PXDNL: variants seen among roughly 807,000 people sequenced by gnomAD.
PXDNL encodes the protein probable oxidoreductase PXDNL.
In PXDNL, 145 loss-of-function variants were observed where a neutral mutation model predicts 150.8. That is an observed-to-expected ratio of 0.96 (90% CI 0.84 to 1.10). PXDNL has a LOEUF of 1.10. Among genes scored for constraint, PXDNL ranks in the 50% least tolerant of loss-of-function variants. The probability of loss-of-function intolerance (pLI) is 0.00; values close to 1 mark genes in which losing one functional copy is unlikely to be tolerated. For missense variants in PXDNL, 2,087 were observed against 1,873.9 expected, an observed-to-expected ratio of 1.11 and a Z score of -2.10; for synonymous variants, 757 against 725.7, an observed-to-expected ratio of 1.04 and a Z score of -0.69.
At position 51,319,984 on chromosome 8, in the gene PXDNL, C is replaced by A; in HGVS notation, c.4299G>T (p.Pro1433=). ...QVTCVVEICP[P]APCPSPELVK... is the part of the protein sequence containing the mutation. ...CCAATTCAGGACTGGGACAGGGAGC[C>A]GGGGGACAAATCTCCACCACACAGG... The change falls in exon 23 of 23, where the codon CCG becomes CCT. Residue 1433 remains proline (P), a synonymous_variant. Coordinates refer to ENST00000356297, the MANE Select transcript of PXDNL (RefSeq NM_144651.5). 6.4e-7 allele frequency: 1 copy of A among 1,569,992 alleles called. No homozygotes were observed. The highest frequency in any genetic ancestry group is 1.4e-5 in the African/African-American group (1 of 73,152).
chr8:51,674,252 T>A (rs1439452909), intron 1 of PXDNL, among the ~76,000 whole-genome samples: 1 of 152,206 alleles, frequency 6.6e-6, no homozygotes, highest in Non-Finnish European at 1.5e-5. Flanking sequence ...GCTTTGTGAA[T>A]CTGCTCAGTG....
rs1277201421 is a variant in PXDNL, at chr8:51,792,205, G to A, written c.164+16976C>T. On this transcript the variant is annotated intron_variant, in intron 1 of 22. Transcript: ENST00000356297. ...ACTGAGAAGAATGAAAATGGCGAGT[G>A]AATCCTGCACCACAACTGAGGTATC... Among the ~76,000 whole-genome samples, 9 of 152,156 alleles carry A rather than the reference G, an allele frequency of 5.9e-5. No individual in the cohort carries two copies. The East Asian group carries it at 1.7e-3, about 30-fold the overall frequency.
chr8:51,798,530 G>A (rs1405537704), intron 1 of PXDNL, among the ~76,000 whole-genome samples: 2 of 152,156 alleles, frequency 1.3e-5, no homozygotes, highest in African/African-American at 4.8e-5. Context: ...CAAAGGACAT[G>A]AACAGACACT....
chr8:51,435,985 T>C lies in PXDNL; in HGVS notation c.1526-9227A>G, dbSNP rs77240811. The C allele has an allele frequency of 5.1e-3, 2,695 of 523,986 alleles. 50 individuals are homozygous for C. The highest frequency in any genetic ancestry group is 0.048 in the African/African-American group (2,440 of 51,340). The allele number at this position is 523,986 out of a possible 1,614,324, so 32.5% of individuals were successfully genotyped here. On this transcript the variant is annotated intron_variant, in intron 12 of 22. Coordinates refer to ENST00000356297, the MANE Select transcript of PXDNL (RefSeq NM_144651.5). ...GAAGCTAAGAAAAAAACAGGATCTC[T>C]TTATGTAGCTTTCAAATTCACCTCA...
intron 1 of PXDNL, among the ~76,000 whole-genome samples, chr8:51,678,156 C>A (rs145701438): frequency 1.3e-5 from 2 of 152,320 alleles, no homozygotes; most frequent in East Asian, 3.9e-4. Context: ...CCTGACGCAG[C>A]TCTGGCACTC....
intron 20 of PXDNL, among the ~76,000 whole-genome samples, chr8:51,342,879 C>CAAAAAAAAA: frequency 1.1e-5 from 1 of 90,224 alleles, no homozygotes; most frequent in African/African-American, 3.6e-5. Flanking sequence ...GATTAAGATT[C>CAAAAAAAAA]AAAAAAAAAA....
intron 4 of PXDNL, among the ~76,000 whole-genome samples, chr8:51,509,483 C>G (rs1811364050): frequency 6.6e-6 from 1 of 152,078 alleles, no homozygotes; most frequent in African/African-American, 2.4e-5. Flanking sequence ...GCCACATCAG[C>G]ATTCAAGCTG....
intron 4 of PXDNL, among the ~76,000 whole-genome samples, chr8:51,553,826 C>T (rs1173344344): frequency 1.3e-5 from 2 of 150,138 alleles, no homozygotes; most frequent in African/African-American, 4.9e-5. Context: ...CATTGTGAAG[C>T]ACTTTATTAA....
chr8:51,320,756 G>T (rs765374383), intron 22 of PXDNL, 28 bp downstream of exon 22: 23 of 1,546,538 alleles, frequency 1.5e-5, no homozygotes, highest in Non-Finnish European at 2.1e-5. Flanking sequence ...GAAATGGGGA[G>T]TTGGACTGGA....
chr8:51,799,324 G>A (rs910684269), intron 1 of PXDNL, among the ~76,000 whole-genome samples: 1 of 152,098 alleles, frequency 6.6e-6, no homozygotes, highest in Non-Finnish European at 1.5e-5. Context: ...GGTGCAGCGA[G>A]TCACTATAGC....
At chr8:51,568,737 T>C (rs1472015402) in intron 3 of PXDNL, among the ~76,000 whole-genome samples, 4 of 151,908 alleles carry the variant, frequency 2.6e-5, no homozygotes, top group African/African-American at 9.7e-5. Context: ...ATTACATGTA[T>C]GTTACACCTT....
chr8:51,803,707 C>T (rs906039163), intron 1 of PXDNL, among the ~76,000 whole-genome samples: 12 of 152,170 alleles, frequency 7.9e-5, no homozygotes, highest in East Asian at 1.9e-4. Flanking sequence ...CACTGGTGAC[C>T]GTCCTGGCTT....
intron 17 of PXDNL, among the ~76,000 whole-genome samples, chr8:51,385,887 T>A (rs1172735947): frequency 6.6e-6 from 1 of 152,200 alleles, no homozygotes; most frequent in Admixed American, 6.5e-5. Flanking sequence ...CCTTCCACCA[T>A]GATTGTGAGG....
intron 2 of PXDNL, among the ~76,000 whole-genome samples, chr8:51,593,810 G>A (rs775646957): frequency 6.6e-6 from 1 of 152,174 alleles, no homozygotes; most frequent in Non-Finnish European, 1.5e-5. Context: ...TTGGGAGGCA[G>A]AACAACCAAT....
At chr8:51,544,179 T>C (rs1812296402) in intron 4 of PXDNL, among the ~76,000 whole-genome samples, 1 of 152,178 alleles carries the variant, frequency 6.6e-6, no homozygotes, top group African/African-American at 2.4e-5. Context: ...TCAAGTCTGA[T>C]CATTTTAAAG....
intron 1 of PXDNL, among the ~76,000 whole-genome samples, chr8:51,791,100 CAAA>C (rs2037509381): frequency 6.6e-6 from 1 of 152,056 alleles, no homozygotes; most frequent in Admixed American, 6.5e-5. Flanking sequence ...GCTACTTGCC[CAAA>C]GACACACAGC....
intron 1 of PXDNL, among the ~76,000 whole-genome samples, chr8:51,729,072 T>A (rs1056333145): frequency 6.6e-6 from 1 of 152,320 alleles, no homozygotes; most frequent in South Asian, 2.1e-4. Flanking sequence ...TACAGTAACA[T>A]GCTGTATAGG....
chr8:51,417,284 G>A (rs1808824653), intron 14 of PXDNL, among the ~76,000 whole-genome samples: 1 of 152,188 alleles, frequency 6.6e-6, no homozygotes, highest in African/African-American at 2.4e-5. Context: ...AAAGGCTTCA[G>A]TATATTTACA....
intron 8 of PXDNL, among the ~76,000 whole-genome samples, chr8:51,461,778 G>C (rs1004370047): frequency 6.6e-6 from 1 of 152,208 alleles, no homozygotes; most frequent in Non-Finnish European, 1.5e-5. Flanking sequence ...AGTGATTGGA[G>C]GAGGGTCTTC....
Sources: allele counts gnomAD v4.1 joint callset (sites outside exome capture counted in the v4.1 genomes callset), GRCh38; gene constraint gnomAD v4.1.1; transcripts MANE v1.5; gene names NCBI Gene and HGNC (gene_info 2026-07-23, HGNC 2026-07-21).